The following LCP2 variants were observed in gnomAD, a reference collection of about 807,000 sequenced individuals.
LCP2 encodes the protein lymphocyte cytosolic protein 2.
In LCP2, 29 loss-of-function variants were observed where a neutral mutation model predicts 74.5. The ratio of observed to expected loss-of-function variants is 0.39; its 90% CI spans 0.29 to 0.53. The LOEUF (loss-of-function observed/expected upper bound fraction) is 0.53. LCP2 is among the 20% of genes least tolerant of loss of function. The pLI is 0.72. For synonymous variants in LCP2, 228 were observed against 229.5 expected, an observed-to-expected ratio of 0.99 and a Z score of 0.06; for missense variants, 604 against 634.6, an observed-to-expected ratio of 0.95 and a Z score of 0.52.
At chr5:170,266,026 G>A (rs1761748472) in intron 10 of LCP2, among the ~76,000 whole-genome samples, 1 of 152,200 alleles carries the variant, frequency 6.6e-6, no homozygotes, top group African/African-American at 2.4e-5. Flanking sequence ...TTTATCATCT[G>A]AGAAGTGAGG....
At chr5:170,286,689 C>T (rs1762188359) in intron 3 of LCP2, among the ~76,000 whole-genome samples, 1 of 152,194 alleles carries the variant, frequency 6.6e-6, no homozygotes, top group African/African-American at 2.4e-5. Context: ...GCACCAAAGG[C>T]AAATCCTTAT....
intron 17 of LCP2, among the ~76,000 whole-genome samples, chr5:170,255,490 G>C (rs1203873892): frequency 6.6e-6 from 1 of 152,086 alleles, no homozygotes; most frequent in Non-Finnish European, 1.5e-5. Flanking sequence ...AAAAATTTAA[G>C]TCAACATTTA....
At chr5:170,250,476 CAT>C (rs1210298222) in intron 20 of LCP2, among the ~76,000 whole-genome samples, 1 of 152,128 alleles carries the variant, frequency 6.6e-6, no homozygotes, top group Non-Finnish European at 1.5e-5. Flanking sequence ...TTTAAGTTAA[CAT>C]AGTTTTTCTT....
Position 170,247,314 on chromosome 5 carries a change from T to G in LCP2, c.*1383A>C, listed in dbSNP as rs1761320632. On this transcript the variant is annotated 3_prime_UTR_variant, in exon 21 of 21. Coordinates refer to ENST00000046794, the MANE Select transcript of LCP2 (RefSeq NM_005565.5). Reference sequence around the variant, plus strand: ...GGATGAGATTTTGTGAAACACCATTTTTATCATCAGTTAAAAGTCTCTACC... The same window carrying G: ...GGATGAGATTTTGTGAAACACCATTGTTATCATCAGTTAAAAGTCTCTACC... The G allele has an allele frequency of 6.6e-6, 1 of 152,230 alleles. No homozygotes were observed. Among genetic ancestry groups the G allele is most frequent in the Non-Finnish European group, 1.5e-5 (1 of 68,034 alleles). 9.4% of individuals were successfully genotyped at this position (152,230 alleles called of 1,614,324 possible).
At chr5:170,287,539 C>G (rs546636541) in intron 3 of LCP2, among the ~76,000 whole-genome samples, 1 of 152,336 alleles carries the variant, frequency 6.6e-6, no homozygotes, top group South Asian at 2.1e-4. Flanking sequence ...TCCAAGCACT[C>G]AGTATCAACA....
chr5:170,274,548 G>T (rs958171117), intron 5 of LCP2, among the ~76,000 whole-genome samples: 1 of 152,156 alleles, frequency 6.6e-6, no homozygotes, highest in Non-Finnish European at 1.5e-5. Context: ...CCAGGGGGTG[G>T]CGATGGTTCT....
intron 6 of LCP2, among the ~76,000 whole-genome samples, chr5:170,272,740 G>A (rs1761918333): frequency 1.3e-5 from 2 of 148,346 alleles, no homozygotes; most frequent in East Asian, 4.0e-4. Flanking sequence ...AGCCGCCCAA[G>A]TAGCTGGGAC....
rs315731 is a variant in LCP2 at position 170,297,763 on chromosome 5, G to C, written c.-152C>G. ...CCTGTTGGAGCCGATGTCTTTTCTG[G>C]CGTAGCCAGATCCCAGAAAGCAACG... is the stretch of plus-strand genomic sequence containing the variant. On this transcript the variant is annotated 5_prime_UTR_variant, in exon 1 of 21. Transcript: ENST00000046794. The C allele has an allele frequency of 0.71, 393,684 of 552,390 alleles. 141,667 individuals are homozygous for C. The highest frequency in any genetic ancestry group is 0.85 in the African/African-American group (44,079 of 52,158). The allele number at this position is 552,390 out of a possible 1,614,324, so 34.2% of individuals were successfully genotyped here.
Position 170,270,821 on chromosome 5 carries a change from C to T in LCP2, c.421G>A (p.Asp141Asn). ...PNEEEEAPVE[D>N]DADYEPPPSN... ...GGTGGCGGCTCATAATCCGCGTCAT[C>T]TTCCACGGGTGCCTCTTCCTCCTCA... The change falls in exon 7 of 21, where the codon GAT becomes AAT. Residue 141 changes from aspartate (D) to asparagine (N), a missense_variant. Physicochemically the swap from Asp to Asn is conservative, Grantham distance 23. Coordinates refer to ENST00000046794, the MANE Select transcript of LCP2 (RefSeq NM_005565.5). The T allele has an allele frequency of 1.2e-6, 2 of 1,612,314 alleles. No homozygotes were observed.
At chr5:170,258,241 C>G in intron 15 of LCP2, 75 bp from the exon 16 acceptor site, 1 of 1,517,382 alleles carries the variant, frequency 6.6e-7, no homozygotes, top group African/African-American at 1.4e-5. Context: ...ATAACCGCCC[C>G]CCAGTTAGAA....
intron 7 of LCP2, 31 bp from the exon 8 acceptor site, chr5:170,268,513 G>T: frequency 4.3e-6 from 1 of 233,220 alleles, no homozygotes. Flanking sequence ...TAAAGTGAAA[G>T]GGGAGTATCG....
Position 170,248,830 on chromosome 5 carries a change from C to T in LCP2, c.1480-11G>A. On this transcript the variant is annotated splice_polypyrimidine_tract_variant and intron_variant, in intron 20 of 20. Transcript: ENST00000046794. ...CACAGACAGAAAGTCCTGAAAGAGTCAAGATAGGGAGATGAGTCAACATTG... is the reference window on the plus strand; with the variant it reads ...CACAGACAGAAAGTCCTGAAAGAGTTAAGATAGGGAGATGAGTCAACATTG... The T allele has an allele frequency of 1.9e-6, 3 of 1,610,964 alleles. No individual in the cohort carries two copies. Among genetic ancestry groups the T allele is most frequent in the Non-Finnish European group, 2.5e-6 (3 of 1,178,324 alleles).
chr5:170,256,458 G>T lies in LCP2; in HGVS notation c.1150+68C>A. On this transcript the variant is annotated intron_variant, in intron 17 of 20. Transcript: ENST00000046794. The surrounding 1 kb of genome is among the most constrained non-coding windows in gnomAD (Gnocchi z 4.5). ...TAAAACCTTTGTCGAAAGCTTTTGG[G>T]ACAGGTTAGGGATCCAGTCATAAAG... 2 of 1,241,500 alleles carry T rather than the reference G, an allele frequency of 1.6e-6. No individual in the cohort carries two copies. The highest frequency in any genetic ancestry group is 2.4e-5 in the South Asian group (2 of 82,762). 76.9% of individuals were successfully genotyped at this position (1,241,500 alleles called of 1,614,324 possible). A position where few individuals can be genotyped will look rare whatever the true frequency, so the allele number is the denominator to read the frequency against.
rs1342402164 is a variant in LCP2, at chr5:170,287,901, C to T, written c.188+69G>A. ...GACAATGACATAGAACTGACCCAGCCCCCACTCACACTACTCCCCATTCCC... is the reference window on the plus strand; with the variant it reads ...GACAATGACATAGAACTGACCCAGCTCCCACTCACACTACTCCCCATTCCC... On this transcript the variant is annotated intron_variant, in intron 3 of 20. Coordinates refer to ENST00000046794, the MANE Select transcript of LCP2 (RefSeq NM_005565.5). The T allele has an allele frequency of 4.3e-6, 6 of 1,407,250 alleles. No homozygotes were observed. The East Asian group carries it at 1.1e-4, about 27-fold the overall frequency. The allele number at this position is 1,407,250 out of a possible 1,614,324, so 87.2% of individuals were successfully genotyped here.
chr5:170,287,726 G>A, intron 3 of LCP2: 1 of 556,220 alleles, frequency 1.8e-6, no homozygotes. Flanking sequence ...TGAAAACATT[G>A]GCCAGAGTTG....
chr5:170,250,700 T>C (rs770879338), intron 20 of LCP2, 30 bp downstream of exon 20: 2 of 1,595,282 alleles, frequency 1.3e-6, no homozygotes, highest in African/African-American at 1.3e-5. Flanking sequence ...ATAAAGACTT[T>C]GGGAAAATGT....
chr5:170,260,124 C>T (rs1466683363), intron 14 of LCP2, among the ~76,000 whole-genome samples: 2 of 152,200 alleles, frequency 1.3e-5, no homozygotes, highest in African/African-American at 4.8e-5. Context: ...TCTGTGTCCT[C>T]CCTATCATTG....
intron 1 of LCP2, among the ~76,000 whole-genome samples, chr5:170,294,504 A>G (rs898987399): frequency 5.9e-5 from 9 of 152,336 alleles, no homozygotes; most frequent in Admixed American, 1.3e-4. Flanking sequence ...TTGAGGTTAA[A>G]TGTTTCTCCT....
At chr5:170,289,411 C>T (rs1306136923) in intron 2 of LCP2, among the ~76,000 whole-genome samples, 2 of 152,160 alleles carry the variant, frequency 1.3e-5, no homozygotes, top group African/African-American at 4.8e-5. Flanking sequence ...TCAGCTGGCA[C>T]AGAGGCTGGG....
Sources: allele counts gnomAD v4.1 joint callset (sites outside exome capture counted in the v4.1 genomes callset), GRCh38; gene constraint gnomAD v4.1.1; non-coding constraint Gnocchi (gnomAD v3.1); transcripts MANE v1.5; gene names NCBI Gene and HGNC (gene_info 2026-07-23, HGNC 2026-07-21).